The following SORCS3 variants were observed in gnomAD, a reference collection of about 807,000 sequenced individuals.
SORCS3 encodes sortilin related VPS10 domain containing receptor 3.
A neutral mutation model predicts 146.3 loss-of-function variants in SORCS3; 57 were observed. The ratio of observed to expected loss-of-function variants is 0.39; its 90% CI spans 0.31 to 0.49. The LOEUF (loss-of-function observed/expected upper bound fraction) is 0.49. Ranked by LOEUF, SORCS3 falls within the 20% of genes least tolerant of loss-of-function variation. The pLI is 0.92. For synonymous variants in SORCS3, 653 were observed against 618.5 expected (o/e 1.06, Z -0.83); for missense variants, 1,341 against 1,575.5 (o/e 0.85, Z 2.52).
intron 4 of SORCS3, among the ~76,000 whole-genome samples, chr10:105,020,901 A>G (rs1430487024): frequency 6.6e-6 from 1 of 152,190 alleles, no homozygotes; most frequent in Non-Finnish European, 1.5e-5. Context: ...GATACTCATC[A>G]TCTATATCCT....
chr10:104,761,795 G>T (rs908800809), intron 1 of SORCS3, among the ~76,000 whole-genome samples: 4 of 152,166 alleles, frequency 2.6e-5, no homozygotes, highest in African/African-American at 4.8e-5. Flanking sequence ...TGCCTGTAAA[G>T]CGTTGACATG....
intron 2 of SORCS3, among the ~76,000 whole-genome samples, chr10:104,865,854 A>G (rs1294337441): frequency 6.6e-6 from 1 of 152,242 alleles, no homozygotes; most frequent in Non-Finnish European, 1.5e-5. Context: ...TGGGAGGCTC[A>G]TGCTTTCTTT....
intron 3 of SORCS3, among the ~76,000 whole-genome samples, chr10:104,968,955 T>A (rs973629058): frequency 3.9e-5 from 6 of 152,238 alleles, no homozygotes; most frequent in Admixed American, 2.6e-4. Context: ...TTGGCTTGTC[T>A]GCTTCACTTG....
chr10:104,836,428 T>C (rs1049448467), intron 1 of SORCS3, among the ~76,000 whole-genome samples: 4 of 152,158 alleles, frequency 2.6e-5, no homozygotes, highest in Non-Finnish European at 4.4e-5. Flanking sequence ...AAGGCATTAG[T>C]TGCTGGTGTT....
At chr10:105,025,881 C>CACACA (rs1554870021) in intron 4 of SORCS3, among the ~76,000 whole-genome samples, 34 of 148,726 alleles carry the variant, frequency 2.3e-4, no homozygotes, top group Admixed American at 3.4e-4. Context: ...CACACACACA[C>CACACA]CTGAAGAACA....
chr10:105,023,771 T>A (rs2055211368), intron 4 of SORCS3, among the ~76,000 whole-genome samples: 1 of 150,848 alleles, frequency 6.6e-6, no homozygotes. Context: ...TGGTGGGGGG[T>A]GTTGCAAAAT....
At chr10:104,877,563 G>T (rs555551008) in intron 2 of SORCS3, among the ~76,000 whole-genome samples, 2 of 152,190 alleles carry the variant, frequency 1.3e-5, no homozygotes, top group South Asian at 4.1e-4. Flanking sequence ...GGCCTGAACT[G>T]GTCATAGGAG....
At chr10:104,746,148 T>C (rs1360584175) in intron 1 of SORCS3, among the ~76,000 whole-genome samples, 3 of 151,842 alleles carry the variant, frequency 2.0e-5, no homozygotes, top group Non-Finnish European at 4.4e-5. Context: ...CTTTTTTTTT[T>C]TTTTTTAAGG....
intron 1 of SORCS3, among the ~76,000 whole-genome samples, chr10:104,775,460 C>T (rs1314162305): frequency 6.6e-6 from 1 of 152,162 alleles, no homozygotes; most frequent in African/African-American, 2.4e-5. Context: ...ACTTTAGGCA[C>T]ACAGACACCC....
chr10:104,769,541 C>T (rs1200778033), intron 1 of SORCS3, among the ~76,000 whole-genome samples: 1 of 152,170 alleles, frequency 6.6e-6, no homozygotes, highest in African/African-American at 2.4e-5. Flanking sequence ...GATTCAGCAT[C>T]TGATGGAAGA....
chr10:104,887,174 T>G (rs1162421382), intron 2 of SORCS3, among the ~76,000 whole-genome samples: 2 of 152,210 alleles, frequency 1.3e-5, no homozygotes, highest in Non-Finnish European at 2.9e-5. Flanking sequence ...GCATAGACAC[T>G]TTGCAGTTCA....
intron 6 of SORCS3, among the ~76,000 whole-genome samples, chr10:105,105,141 G>T (rs571053462): frequency 6.6e-6 from 1 of 152,142 alleles, no homozygotes; most frequent in East Asian, 1.9e-4. Context: ...TTTCAAATTT[G>T]TTCTTCCAAA....
chr10:104,930,717 A>G (rs2019198231), intron 3 of SORCS3, among the ~76,000 whole-genome samples: 1 of 152,178 alleles, frequency 6.6e-6, no homozygotes, highest in South Asian at 2.1e-4. Context: ...TGGGTTGCTG[A>G]GGGCCTCTTT....
intron 1 of SORCS3, among the ~76,000 whole-genome samples, chr10:104,822,697 C>T (rs763987318): frequency 6.6e-6 from 1 of 152,208 alleles, no homozygotes; most frequent in Non-Finnish European, 1.5e-5. Context: ...CAGAGTCTGG[C>T]ATGGCCCTCA....
At chr10:105,255,013 C>A (rs564765306) in intron 23 of SORCS3, among the ~76,000 whole-genome samples, 3 of 151,580 alleles carry the variant, frequency 2.0e-5, no homozygotes, top group African/African-American at 7.3e-5. Context: ...ACGGTGAAAC[C>A]CCGTCTCTAC....
intron 2 of SORCS3, among the ~76,000 whole-genome samples, chr10:104,902,525 T>G (rs1185401815): frequency 1.3e-5 from 2 of 152,258 alleles, no homozygotes; most frequent in Non-Finnish European, 2.9e-5. Flanking sequence ...TTTCCTTGGC[T>G]TCTGCAACCT....
At chr10:105,210,183 G>A (rs1463822357) in intron 16 of SORCS3, among the ~76,000 whole-genome samples, 1 of 152,014 alleles carries the variant, frequency 6.6e-6, no homozygotes, top group African/African-American at 2.4e-5. Context: ...AGAATATACA[G>A]GAAGCAGAAA....
At chr10:105,214,381 C>T in intron 17 of SORCS3, 61 bp from the exon 18 acceptor site, 2 of 1,568,218 alleles carry the variant, frequency 1.3e-6, no homozygotes, top group Non-Finnish European at 1.8e-6. Context: ...CACACACACA[C>T]ATACAACAGC....
intron 1 of SORCS3, among the ~76,000 whole-genome samples, chr10:104,757,084 T>A (rs2017062288): frequency 6.6e-6 from 1 of 150,520 alleles, no homozygotes; most frequent in Non-Finnish European, 1.5e-5. Context: ...TTTTTTTTTT[T>A]TTTTTTTAGC....
Sources: allele counts gnomAD v4.1 joint callset (sites outside exome capture counted in the v4.1 genomes callset), GRCh38; gene constraint gnomAD v4.1.1; transcripts MANE v1.5; gene names NCBI Gene and HGNC (gene_info 2026-07-23, HGNC 2026-07-21).